ZNG1A: variants seen among roughly 807,000 people sequenced by gnomAD.
ZNG1A encodes Zn regulated GTPase metalloprotein activator 1A.
chr9:126,977 C>G, the ZNG1A span, among the ~76,000 whole-genome samples: 1 of 151,998 alleles, frequency 6.6e-6, no homozygotes, highest in South Asian at 2.1e-4. Context: ...TTCCATGTAT[C>G]GGCATGGTTT....
At chr9:175,010 T>C in the ZNG1A span, among the ~76,000 whole-genome samples, 8 of 152,110 alleles carry the variant, frequency 5.3e-5, no homozygotes, top group Admixed American at 1.3e-4. Context: ...AGTTAACTAA[T>C]AACAGAAGCA....
At chr9:176,185 G>C in the ZNG1A span, among the ~76,000 whole-genome samples, 1 of 137,654 alleles carries the variant, frequency 7.3e-6, no homozygotes, top group East Asian at 2.0e-4. Context: ...AATAGAGCCA[G>C]GTAGTGTCAA....
chr9:156,184 C>A, the ZNG1A span, among the ~76,000 whole-genome samples: 1 of 141,692 alleles, frequency 7.1e-6, no homozygotes, highest in African/African-American at 2.6e-5. Flanking sequence ...ATCTTCAATC[C>A]CAAAGAAATT....
At chr9:128,943 C>T in the ZNG1A span, among the ~76,000 whole-genome samples, 1 of 151,824 alleles carries the variant, frequency 6.6e-6, no homozygotes, top group Non-Finnish European at 1.5e-5. Context: ...TGATTGCTAT[C>T]TCTCTTCTGG....
chr9:152,201 G>C, the ZNG1A span: 1 of 338,952 alleles, frequency 3.0e-6, no homozygotes, highest in South Asian at 3.5e-5. Flanking sequence ...TCTGGAACCA[G>C]AAAAAAATTA....
the ZNG1A span, among the ~76,000 whole-genome samples, chr9:136,902 G>C: frequency 3.3e-5 from 5 of 151,646 alleles, no homozygotes; most frequent in African/African-American, 1.2e-4. Flanking sequence ...AAATTAGCCA[G>C]GCATGGGTGC....
the ZNG1A span, among the ~76,000 whole-genome samples, chr9:133,971 G>A: frequency 1.8e-5 from 2 of 108,740 alleles, no homozygotes; most frequent in African/African-American, 3.5e-5. Context: ...TGAGCGCTGC[G>A]TTTGCTTCAT....
At chr9:129,758 G>A in the ZNG1A span, among the ~76,000 whole-genome samples, 3 of 143,760 alleles carry the variant, frequency 2.1e-5, no homozygotes, top group Admixed American at 1.4e-4. Flanking sequence ...TGTACAGACA[G>A]TTAACAATAC....
the ZNG1A span, chr9:167,626 T>C: frequency 6.7e-6 from 1 of 149,974 alleles, no homozygotes; most frequent in Non-Finnish European, 1.5e-5. Flanking sequence ...ACCAAAACTA[T>C]TAAAACATAG....
chr9:127,518 C>T, the ZNG1A span, among the ~76,000 whole-genome samples: 595 of 152,188 alleles, frequency 3.9e-3, 2 homozygotes, highest in African/African-American at 0.014. Flanking sequence ...ATTTGGTGTC[C>T]GTTTGCATGA....
At chr9:140,275 T>G in the ZNG1A span, among the ~76,000 whole-genome samples, 1 of 152,016 alleles carries the variant, frequency 6.6e-6, no homozygotes, top group South Asian at 2.1e-4. Flanking sequence ...CTGACAGCTT[T>G]GAAGAGAGCA....
the ZNG1A span, among the ~76,000 whole-genome samples, chr9:157,176 G>A: frequency 7.4e-6 from 1 of 134,636 alleles, no homozygotes; most frequent in South Asian, 2.6e-4. Flanking sequence ...CAGTGCAACT[G>A]TTTATTTTAC....
At chr9:152,565 G>A in the ZNG1A span, among the ~76,000 whole-genome samples, 16 of 151,520 alleles carry the variant, frequency 1.1e-4, no homozygotes, top group African/African-American at 3.9e-4. Flanking sequence ...GTAATTCTAA[G>A]TCACACATCC....
chr9:156,789 T>C, the ZNG1A span, among the ~76,000 whole-genome samples: 1 of 151,594 alleles, frequency 6.6e-6, no homozygotes, highest in East Asian at 1.9e-4. Flanking sequence ...TGACCTTTTC[T>C]TTTACTTAAA....
chr9:145,659 T>C, the ZNG1A span, among the ~76,000 whole-genome samples: 1 of 151,174 alleles, frequency 6.6e-6, no homozygotes, highest in East Asian at 2.0e-4. Context: ...GTAACTAACC[T>C]GCACATTGTG....
chr9:132,248 G>A, the ZNG1A span, among the ~76,000 whole-genome samples: 2 of 149,234 alleles, frequency 1.3e-5, no homozygotes, highest in East Asian at 2.0e-4. Flanking sequence ...TTGAGGCCGG[G>A]CACAGTGGCT....
chr9:173,876 C>T, the ZNG1A span, among the ~76,000 whole-genome samples: 13 of 152,058 alleles, frequency 8.5e-5, no homozygotes, highest in Non-Finnish European at 1.2e-4. Flanking sequence ...GGCCAGTGTA[C>T]CACGTGCTCA....
the ZNG1A span, chr9:160,224 T>C: frequency 3.1e-5 from 14 of 454,116 alleles, no homozygotes; most frequent in East Asian, 5.6e-4. Context: ...ACCACCTCAG[T>C]TTCAGTTTGG....
the ZNG1A span, chr9:147,998 T>G: frequency 6.6e-6 from 1 of 151,174 alleles, no homozygotes; most frequent in Non-Finnish European, 1.5e-5. Flanking sequence ...GCACTCCAAC[T>G]TGGGGGACAG....
Sources: gnomAD v4.1 joint callset for allele counts (sites outside exome capture counted in the v4.1 genomes callset) on GRCh38, gnomAD v4.1.1 for gene constraint, MANE v1.5 for transcripts, NCBI Gene and HGNC (gene_info 2026-07-23, HGNC 2026-07-21) for gene names.